Variants in NGEF observed in about 807,000 individuals in gnomAD.
NGEF encodes the protein neuronal guanine nucleotide exchange factor.
NGEF carries 31 observed loss-of-function variants against 80.9 expected under a neutral mutation model. The observed-to-expected ratio is 0.38, with a 90% CI of 0.29 to 0.52. The LOEUF (loss-of-function observed/expected upper bound fraction) is 0.52. Ranked by LOEUF, NGEF falls within the 20% of genes least tolerant of loss-of-function variation. NGEF has a pLI of 0.84. For synonymous variants in NGEF, 371 were observed against 370.2 expected, an observed-to-expected ratio of 1.00 and a Z score of -0.03; for missense variants, 709 against 926.2, an observed-to-expected ratio of 0.77 and a Z score of 3.04.
At chr2:232,996,346 A>G (rs1368075173) in intron 1 of NGEF, among the ~76,000 whole-genome samples, 1 of 152,112 alleles carries the variant, frequency 6.6e-6, no homozygotes, top group African/African-American at 2.4e-5. Flanking sequence ...AACAACAACA[A>G]CACAAACAAC....
chr2:232,952,255 A>G (rs1311186106), intron 3 of NGEF, among the ~76,000 whole-genome samples: 1 of 152,234 alleles, frequency 6.6e-6, no homozygotes, highest in Non-Finnish European at 1.5e-5. Flanking sequence ...CTTAAGAATC[A>G]TTTTGATGCA....
intron 3 of NGEF, among the ~76,000 whole-genome samples, chr2:232,948,147 A>ATGTGTGTGTGTGTGTGTGTGTG (rs375640068): frequency 4.2e-5 from 6 of 141,654 alleles, no homozygotes; most frequent in African/African-American, 1.3e-4. Flanking sequence ...TAGCCTGGAG[A>ATGTGTGTGTGTGTGTGTGTGTG]TGTGTGTGTG....
chr2:232,907,188 G>GAAAAAAAAAA (rs10654316), intron 5 of NGEF, among the ~76,000 whole-genome samples: 4 of 113,152 alleles, frequency 3.5e-5, no homozygotes, highest in African/African-American at 1.0e-4. Context: ...AGAAAAAAAA[G>GAAAAAAAAAA]AAAAAAAAAA....
At chr2:232,933,402 AC>A (rs1452062220) in intron 3 of NGEF, among the ~76,000 whole-genome samples, 3 of 151,966 alleles carry the variant, frequency 2.0e-5, no homozygotes, top group African/African-American at 7.3e-5. Context: ...ACTTCCTGTC[AC>A]CCAGTGTGCC....
Position 232,995,351 on chromosome 2 carries a change from G to A in NGEF, c.-75+17717C>T, listed in dbSNP as rs1463889862. On this transcript the variant is annotated intron_variant, in intron 1 of 14. Coordinates refer to ENST00000264051, the MANE Select transcript of NGEF (RefSeq NM_019850.3). ...ACAGTATGTATACTATATACAGTAT[G>A]TATACTGTATACTGTATATATATAC... 5.4e-4 allele frequency among the ~76,000 whole-genome samples: 5 copies of A among 9,292 alleles called. 2 individuals are homozygous for A. Among genetic ancestry groups the A allele is most frequent in the Admixed American group, 1.1e-3 (1 of 938 alleles). The allele number at this position is 9,292 out of a possible 152,430, so 6.1% of individuals were successfully genotyped here.
At chr2:232,983,986 A>T (rs893390244) in intron 1 of NGEF, among the ~76,000 whole-genome samples, 6 of 152,202 alleles carry the variant, frequency 3.9e-5, no homozygotes, top group Non-Finnish European at 5.9e-5. Flanking sequence ...TTCATGCAAA[A>T]GTGGGAAGTG....
rs982088823 is a variant in NGEF, at chr2:232,892,488, C to T, written c.1142+410G>A. On this transcript the variant is annotated intron_variant, in intron 7 of 14. Coordinates refer to ENST00000264051, the MANE Select transcript of NGEF (RefSeq NM_019850.3). The surrounding 1 kb of genome is among the most constrained non-coding windows in gnomAD (Gnocchi z 4.0). ...ATGCCCCGGCGCTGCTGGAGGAGCC[C>T]CACCGAGGCTCCTTCCCATCCTGTC... Among the ~76,000 whole-genome samples, 1 of 152,178 alleles carries T rather than the reference C, an allele frequency of 6.6e-6. No individual in the cohort carries two copies. The highest frequency in any genetic ancestry group is 1.9e-4 in the East Asian group (1 of 5,190).
At chr2:232,993,275 A>T (rs1172857213) in intron 1 of NGEF, among the ~76,000 whole-genome samples, 1 of 120,756 alleles carries the variant, frequency 8.3e-6, no homozygotes, top group African/African-American at 3.3e-5. Context: ...ATGAATTGGC[A>T]TGTCTCCAAA....
At position 232,891,341 on chromosome 2, in the gene NGEF, G is replaced by A. The variant is rs750331526; in HGVS notation, c.1272+17C>T. ...CCTGGGAAGCCCCGTCTGTGGGTCAGGTGGAGGAGGCTGTACCTGGACCAA... is the reference window on the plus strand; with the variant it reads ...CCTGGGAAGCCCCGTCTGTGGGTCAAGTGGAGGAGGCTGTACCTGGACCAA... On this transcript the variant is annotated intron_variant, in intron 8 of 14. Transcript: ENST00000264051. 1.1e-5 allele frequency: 18 copies of A among 1,612,970 alleles called. No homozygotes were observed. The highest frequency in any genetic ancestry group is 1.7e-5 in the Admixed American group (1 of 59,954).
At chr2:232,990,753 C>A (rs1694634754) in intron 1 of NGEF, among the ~76,000 whole-genome samples, 1 of 151,906 alleles carries the variant, frequency 6.6e-6, no homozygotes, top group Non-Finnish European at 1.5e-5. Flanking sequence ...AATGGAAGGG[C>A]TACTAAACCA....
At chr2:232,987,469 G>T (rs2106331666) in intron 1 of NGEF, among the ~76,000 whole-genome samples, 1 of 152,272 alleles carries the variant, frequency 6.6e-6, no homozygotes, top group Admixed American at 6.5e-5. Context: ...GGAAGAAGAA[G>T]GGAGGAGCTT....
rs562489871 is a variant in NGEF, at chr2:232,890,578, C to T, written c.1272+780G>A. Among the ~76,000 whole-genome samples, 100 of 152,270 alleles carry T rather than the reference C, an allele frequency of 6.6e-4. 1 individual carries two copies. In the South Asian group the frequency reaches 0.02, roughly 30 times the overall value. The stretch of plus-strand genomic sequence containing the variant: ...TGCCCTGAATCCTGAGCCCTCCCCG[C>T]CCCAAGACGTCCCCATCTCAGCAAC... On this transcript the variant is annotated intron_variant, in intron 8 of 14. Coordinates refer to ENST00000264051, the MANE Select transcript of NGEF (RefSeq NM_019850.3).
intron 1 of NGEF, among the ~76,000 whole-genome samples, chr2:233,007,725 C>T (rs1390262184): frequency 6.6e-6 from 1 of 152,176 alleles, no homozygotes; most frequent in African/African-American, 2.4e-5. Flanking sequence ...TTCATTATGA[C>T]CCTGAGCTCC....
intron 12 of NGEF, 133 bp downstream of exon 12, chr2:232,883,178 G>A (rs1691570833): frequency 6.1e-6 from 7 of 1,142,024 alleles, no homozygotes; most frequent in Non-Finnish European, 8.6e-6. Flanking sequence ...GTCTGGACGG[G>A]AAGGATGGGC....
chr2:232,983,102 T>C (rs570150480), intron 1 of NGEF, among the ~76,000 whole-genome samples: 5 of 152,104 alleles, frequency 3.3e-5, no homozygotes, highest in Non-Finnish European at 7.4e-5. Flanking sequence ...GGCATTTTGG[T>C]GTTCTGAGCG....
At chr2:232,969,720 G>T (rs1304744331) in intron 3 of NGEF, among the ~76,000 whole-genome samples, 2 of 150,770 alleles carry the variant, frequency 1.3e-5, no homozygotes, top group Non-Finnish European at 3.0e-5. Flanking sequence ...TGCCATGTTG[G>T]CCAGGCTTGT....
intron 5 of NGEF, among the ~76,000 whole-genome samples, chr2:232,910,355 A>G (rs1250700115): frequency 6.6e-6 from 1 of 151,432 alleles, no homozygotes; most frequent in Non-Finnish European, 1.5e-5. Flanking sequence ...TGCAGTTCAC[A>G]GTAGGGTTCT....
rs1397391464 is a variant in NGEF at position 232,995,072 on chromosome 2, CTGTATA to C, written c.-75+17990_-75+17995del. Among the ~76,000 whole-genome samples, 136 of 49,236 alleles carry C rather than the reference CTGTATA, an allele frequency of 2.8e-3. 1 individual carries two copies. The highest frequency in any genetic ancestry group is 9.4e-3 in the Middle Eastern group (1 of 106). 32.3% of individuals were successfully genotyped at this position (49,236 alleles called of 152,430 possible). A position where few individuals can be genotyped will look rare whatever the true frequency, so the allele number is the denominator to read the frequency against. On this transcript the variant is annotated intron_variant, in intron 1 of 14. Coordinates refer to ENST00000264051, the MANE Select transcript of NGEF (RefSeq NM_019850.3). ...ACTGTATATATGTACAGTATGTATA[CTGTATA>C]TGTGTACAGTATGTATATGTGTACA...
At chr2:232,926,680 T>C (rs1878288) in intron 4 of NGEF, among the ~76,000 whole-genome samples, 120,365 of 152,102 alleles carry the variant, frequency 0.79, 48,022 homozygotes, top group African/African-American at 0.86. Flanking sequence ...CAGGTCTTCC[T>C]TGATGGGGGA....
Sources: gnomAD v4.1 joint callset for allele counts (sites outside exome capture counted in the v4.1 genomes callset) on GRCh38, gnomAD v4.1.1 for gene constraint, Gnocchi (gnomAD v3.1) non-coding constraint, MANE v1.5 for transcripts, NCBI Gene and HGNC (gene_info 2026-07-23, HGNC 2026-07-21) for gene names.